The following TAP2 variants were observed in gnomAD, a reference collection of about 807,000 sequenced individuals.
The protein encoded by TAP2 is antigen peptide transporter 2.
In TAP2, 49 loss-of-function variants were observed where a neutral mutation model predicts 74.7. The observed-to-expected ratio is 0.66, with a 90% CI of 0.52 to 0.83. TAP2 has a LOEUF of 0.83. Among genes scored for constraint, TAP2 ranks in the 40% least tolerant of loss-of-function variants. The pLI is 0.00. For synonymous variants in TAP2, 306 were observed against 368.4 expected, an observed-to-expected ratio of 0.83 and a Z score of 1.94; for missense variants, 739 against 859.0, an observed-to-expected ratio of 0.86 and a Z score of 1.75.
Position 32,827,088 on chromosome 6 carries a change from A to C in TAP2, c.*1818T>G. ...AACTGCCCACTCTCACCCCATCCTC[A>C]CTGCACCCTGCTCCCAACAGCTGCC... On this transcript the variant is annotated 3_prime_UTR_variant, in exon 12 of 12. Coordinates refer to ENST00000374897, the MANE Select transcript of TAP2 (RefSeq NM_001290043.2). 1.0e-6 allele frequency: 1 copy of C among 985,762 alleles called. No homozygotes were observed. Among genetic ancestry groups the C allele is most frequent in the South Asian group, 4.7e-5 (1 of 21,284 alleles). 61.1% of individuals were successfully genotyped at this position (985,762 alleles called of 1,614,324 possible).
chr6:32,825,803 C>T lies in TAP2; in HGVS notation c.*3103G>A, dbSNP rs954470620. ...TTTATGCAAAGCTGGGCAAGTCCAC[C>T]TCTTCCTTAGCTATGTGACCCAGGC... On this transcript the variant is annotated 3_prime_UTR_variant, in exon 12 of 12. Transcript: ENST00000374897. 4.6e-6 allele frequency: 1 copy of T among 216,418 alleles called. No homozygotes were observed. The highest frequency in any genetic ancestry group is 7.9e-6 in the Non-Finnish European group (1 of 126,992). 13.4% of individuals were successfully genotyped at this position (216,418 alleles called of 1,614,324 possible). A position where few individuals can be genotyped will look rare whatever the true frequency, so the allele number is the denominator to read the frequency against.
In TAP2 at chr6:32,828,788, C is replaced by A. The variant is rs1292184709; in HGVS notation, c.*118G>T. 2.2e-6 allele frequency: 3 copies of A among 1,344,736 alleles called. No homozygotes were observed. In the African/African-American group the frequency reaches 4.5e-5, roughly 20 times the overall value. 83.3% of individuals were successfully genotyped at this position (1,344,736 alleles called of 1,614,324 possible). A position where few individuals can be genotyped will look rare whatever the true frequency, so the allele number is the denominator to read the frequency against. On this transcript the variant is annotated 3_prime_UTR_variant, in exon 12 of 12. Coordinates refer to ENST00000374897, the MANE Select transcript of TAP2 (RefSeq NM_001290043.2). ...ATCTGGCCGCACAGCTCTAGGGAAA[C>A]TCAAAGCAGGAACAGCTCTGGGTCC...
In TAP2 at chr6:32,835,071, G is replaced by A; in HGVS notation, c.945+83C>T. ...CTGAGAAGAGAACATCTCTCTCTAG[G>A]GGATCCTCTAGCCACAAATGTGGAA... On this transcript the variant is annotated intron_variant, in intron 5 of 11. Transcript: ENST00000374897. The surrounding 1 kb of genome is among the most constrained non-coding windows in gnomAD (Gnocchi z 4.0). The A allele has an allele frequency of 3.6e-6, 5 of 1,406,030 alleles. No individual in the cohort carries two copies. Among genetic ancestry groups the A allele is most frequent in the Non-Finnish European group, 4.0e-6 (4 of 1,002,086 alleles). The allele number at this position is 1,406,030 out of a possible 1,614,324, so 87.1% of individuals were successfully genotyped here. A position where few individuals can be genotyped will look rare whatever the true frequency, so the allele number is the denominator to read the frequency against.
rs562087985 is a variant in TAP2, at chr6:32,835,622, G to A, written c.739+21C>T. The A allele has an allele frequency of 7.4e-5, 120 of 1,612,944 alleles. No individual in the cohort carries two copies. The highest frequency in any genetic ancestry group is 1.0e-4 in the Non-Finnish European group (118 of 1,180,018). On this transcript the variant is annotated intron_variant, in intron 4 of 11. Coordinates refer to ENST00000374897, the MANE Select transcript of TAP2 (RefSeq NM_001290043.2). This position sits in a 1 kb window ranked among gnomAD's most constrained non-coding sequence, Gnocchi z 4.0. ...GCAAGGGATGTCCATGGGAATCTCA[G>A]ACCTGGACTCCAGGCCCCACCTGTC...
chr6:32,833,346 A>C (rs1277063804), intron 5 of TAP2, among the ~76,000 whole-genome samples: 2 of 152,246 alleles, frequency 1.3e-5, no homozygotes, highest in African/African-American at 2.4e-5. Flanking sequence ...GAACTCTAGC[A>C]ACAGAGTGAA....
rs530500948 is a variant in TAP2, at chr6:32,831,739, G to A, written c.1272+594C>T. Among the ~76,000 whole-genome samples, 247 of 152,278 alleles carry A rather than the reference G, an allele frequency of 1.6e-3. 3 individuals carry two copies. In the South Asian group the frequency reaches 0.024, roughly 15 times the overall value. ...AAACTTTTAGACAGATACATGGATT[G>A]ATGGGTGGATGGATGGATAGATGGA... On this transcript the variant is annotated intron_variant, in intron 7 of 11. Coordinates refer to ENST00000374897, the MANE Select transcript of TAP2 (RefSeq NM_001290043.2).
chr6:32,829,310 C>T (rs570578934), intron 11 of TAP2, 90 bp downstream of exon 11: 78 of 1,536,848 alleles, frequency 5.1e-5, no homozygotes, highest in Non-Finnish European at 6.3e-5. Flanking sequence ...GTAGGTCCTT[C>T]GTCCTCCCTC....
rs1165715423 is a variant in TAP2 at position 32,830,790 on chromosome 6, T to C, written c.1289A>G (p.Tyr430Cys). 4.3e-6 allele frequency: 7 copies of C among 1,611,526 alleles called. No individual in the cohort carries two copies. Among genetic ancestry groups the C allele is most frequent in the Non-Finnish European group, 5.9e-6 (7 of 1,179,438 alleles). The stretch of plus-strand genomic sequence containing the variant: ...TCCCACGTTGCTGAGCATATCCCCA[T>C]ATATGTATACCAGGGTCTGGAAAAC... The part of the protein sequence containing the change: ...GSYVQTLVYI[Y>C]GDMLSNVGAA... The change falls in exon 8 of 12, where the codon TAT (tyrosine) becomes TGT (cysteine). Residue 430 changes from tyrosine (Y) to cysteine (C), a missense_variant. Tyr to Cys is a radical substitution (Grantham distance 194). Transcript: ENST00000374897.
downstream of TAP2, among the ~76,000 whole-genome samples, chr6:32,823,105 A>G (rs972250810): frequency 5.9e-5 from 9 of 151,908 alleles, no homozygotes; most frequent in Admixed American, 2.0e-4. Context: ...TTTTTGGTAG[A>G]GACAGGGTTT....
At position 32,828,675 on chromosome 6, in the gene TAP2, G is replaced by GTCTCCA; in HGVS notation, c.*230_*231insTGGAGA. On this transcript the variant is annotated 3_prime_UTR_variant, in exon 12 of 12. Coordinates refer to ENST00000374897, the MANE Select transcript of TAP2 (RefSeq NM_001290043.2). Reference sequence around the variant, plus strand: ...GAATTAAGTTTCCTGGACACAGACAGCCCCCACCCCACCCCACCCCACCTC... The same window carrying GTCTCCA: ...GAATTAAGTTTCCTGGACACAGACAGTCTCCACCCCCACCCCACCCCACCCCACCTC... 1 of 884,280 alleles carries GTCTCCA rather than the reference G, an allele frequency of 1.1e-6. No individual in the cohort carries two copies. Among genetic ancestry groups the GTCTCCA allele is most frequent in the Non-Finnish European group, 1.4e-6 (1 of 735,240 alleles). The allele number at this position is 884,280 out of a possible 1,614,324, so 54.8% of individuals were successfully genotyped here.
Position 32,830,025 on chromosome 6 carries a change from C to T in TAP2, c.1700G>A (p.Gly567Glu). The T allele has an allele frequency of 1.1e-5, 17 of 1,613,118 alleles. No homozygotes were observed. The highest frequency in any genetic ancestry group is 1.3e-5 in the Non-Finnish European group (15 of 1,180,032). The stretch of plus-strand genomic sequence containing the variant: ...CTTATCATCTTCGCAGCTCTGCAGC[C>T]CATAAGCAATGTTGTTCCTCACAGA... ...SGSVRNNIAY[G>E]LQSCEDDKVM... Residue 567 changes from glycine to glutamate, a missense_variant, in exon 10 of 12, where the codon GGG becomes GAG. By Grantham distance (98) the Gly-to-Glu change is moderately conservative (BLOSUM62 -2). Coordinates refer to ENST00000374897, the MANE Select transcript of TAP2 (RefSeq NM_001290043.2).
intron 3 of TAP2, 29 bp downstream of exon 3, chr6:32,837,508 G>A (rs747542189): frequency 9.4e-6 from 15 of 1,594,026 alleles, no homozygotes; most frequent in Non-Finnish European, 1.2e-5. Context: ...TTTGGGGCTA[G>A]CAAATGGACC....
chr6:32,829,144 G>A, intron 11 of TAP2, 110 bp from the exon 12 acceptor site: 2 of 1,505,076 alleles, frequency 1.3e-6, no homozygotes, highest in South Asian at 1.2e-5. Context: ...AATAAAAGAA[G>A]GTAGGAAAGG....
Position 32,828,648 on chromosome 6 carries a change from G to A in TAP2, c.*258C>T. ...TCACCAGGCAAAGCTCTAGTCACCA[G>A]GGAATTAAGTTTCCTGGACACAGAC... On this transcript the variant is annotated 3_prime_UTR_variant, in exon 12 of 12. Transcript: ENST00000374897. The A allele has an allele frequency of 1.6e-6, 2 of 1,214,196 alleles. No homozygotes were observed. The highest frequency in any genetic ancestry group is 6.4e-5 in the South Asian group (2 of 31,182). The allele number at this position is 1,214,196 out of a possible 1,614,324, so 75.2% of individuals were successfully genotyped here. A position where few individuals can be genotyped will look rare whatever the true frequency, so the allele number is the denominator to read the frequency against.
Position 32,828,681 on chromosome 6 carries a change from A to ACCCCACCCCCCCCC in TAP2, c.*224_*225insGGGGGGGGGTGGGG. On this transcript the variant is annotated 3_prime_UTR_variant, in exon 12 of 12. Transcript: ENST00000374897. ...AGTTTCCTGGACACAGACAGCCCCCACCCCACCCCACCCCACCTCTCTACC... is the reference window on the plus strand; with the variant it reads ...AGTTTCCTGGACACAGACAGCCCCCACCCCACCCCCCCCCCCCCACCCCACCCCACCTCTCTACC... 1 of 606,166 alleles carries ACCCCACCCCCCCCC rather than the reference A, an allele frequency of 1.6e-6. No individual in the cohort carries two copies. The highest frequency in any genetic ancestry group is 2.0e-6 in the Non-Finnish European group (1 of 497,968). The allele number at this position is 606,166 out of a possible 1,614,324, so 37.5% of individuals were successfully genotyped here.
At chr6:32,825,125 G>GC (rs28381587), downstream of TAP2, among the ~76,000 whole-genome samples, 2 of 102,768 alleles carry the variant, frequency 1.9e-5, no homozygotes, top group Non-Finnish European at 4.1e-5. Flanking sequence ...CTGTCTGTTG[G>GC]TTATATACAT....
At chr6:32,822,916 A>ATTTTT (rs1245662208), downstream of TAP2, among the ~76,000 whole-genome samples, 2 of 108,524 alleles carry the variant, frequency 1.8e-5, no homozygotes, top group African/African-American at 7.7e-5. Flanking sequence ...CTGTGTTCAT[A>ATTTTT]CTTTTTTTTT....
At position 32,826,469 on chromosome 6, in the gene TAP2, A is replaced by C; in HGVS notation, c.*2437T>G. The stretch of plus-strand genomic sequence containing the variant: ...GTGATGGGGGGTAGGAGTGAACAAA[A>C]AGAACTCTGGAGCAAACCAGGATTA... On this transcript the variant is annotated 3_prime_UTR_variant, in exon 12 of 12. Coordinates refer to ENST00000374897, the MANE Select transcript of TAP2 (RefSeq NM_001290043.2). The C allele has an allele frequency of 1.0e-6, 1 of 985,426 alleles. No individual in the cohort carries two copies. The highest frequency in any genetic ancestry group is 1.7e-5 in the African/African-American group (1 of 57,348). The allele number at this position is 985,426 out of a possible 1,614,324, so 61.0% of individuals were successfully genotyped here.
chr6:32,837,914 C>G lies in TAP2; in HGVS notation c.320G>C (p.Gly107Ala). The G allele has an allele frequency of 6.2e-7, 1 of 1,613,024 alleles. No individual in the cohort carries two copies. ...APWSWLLVGY[G>A]AAGLSWSLWA... is the part of the protein sequence containing the mutation. Reference sequence around the variant, plus strand: ...CAGTGACCAGCTGAGCCCCGCAGCCCCGTACCCCACCAGCAGCCAGCTCCA... The same window carrying G: ...CAGTGACCAGCTGAGCCCCGCAGCCGCGTACCCCACCAGCAGCCAGCTCCA... The change falls in exon 2 of 12, where the codon GGG becomes GCG. Residue 107 changes from glycine (G) to alanine (A), a missense_variant. By Grantham distance (60) the Gly-to-Ala change is moderately conservative (BLOSUM62 0). Transcript: ENST00000374897.
Sources: gnomAD v4.1 joint callset for allele counts (sites outside exome capture counted in the v4.1 genomes callset) on GRCh38, gnomAD v4.1.1 for gene constraint, Gnocchi (gnomAD v3.1) non-coding constraint, MANE v1.5 for transcripts, NCBI Gene and HGNC (gene_info 2026-07-23, HGNC 2026-07-21) for gene names.